Variants in KLF12 observed in about 807,000 individuals in gnomAD.
KLF12 encodes Krueppel-like factor 12.
A neutral mutation model predicts 37.8 loss-of-function variants in KLF12; 9 were observed. The observed-to-expected ratio is 0.24, with a 90% CI of 0.14 to 0.42. The LOEUF is 0.42. KLF12 is among the 10% of genes least tolerant of loss of function. KLF12 has a pLI of 1.00. For missense variants in KLF12, 411 were observed against 516.0 expected (o/e 0.80, Z 1.97); for synonymous variants, 208 against 202.1 (o/e 1.03, Z -0.25).
the KLF12 span, among the ~76,000 whole-genome samples, chr13:74,172,964 C>T: frequency 1.3e-5 from 2 of 152,194 alleles, no homozygotes; most frequent in South Asian, 2.1e-4. Context: ...ACGCCCGTAC[C>T]TCTCTGAAGG....
At chr13:73,799,747 A>G (rs1882186409) in intron 5 of KLF12, among the ~76,000 whole-genome samples, 1 of 152,136 alleles carries the variant, frequency 6.6e-6, no homozygotes, top group African/African-American at 2.4e-5. Context: ...ATATATTAGA[A>G]AAAGTGTCTC....
At chr13:73,813,814 C>T (rs913555072) in intron 4 of KLF12, among the ~76,000 whole-genome samples, 2 of 152,186 alleles carry the variant, frequency 1.3e-5, no homozygotes, top group African/African-American at 4.8e-5. Flanking sequence ...TTTCCAAGTT[C>T]ATTACTACTA....
At chr13:74,259,328 A>G in the KLF12 span, 1 of 152,182 alleles carries the variant, frequency 6.6e-6, no homozygotes, top group Non-Finnish European at 1.5e-5. Flanking sequence ...TTTCTAGACC[A>G]TAGTTTCTCA....
intron 3 of KLF12, among the ~76,000 whole-genome samples, chr13:73,859,071 G>A (rs1441488872): frequency 6.6e-6 from 1 of 152,138 alleles, no homozygotes; most frequent in Non-Finnish European, 1.5e-5. Flanking sequence ...AGAAAACTGG[G>A]TTCACTTCGC....
chr13:73,697,112 C>CACACACACACAA (rs764901627), intron 7 of KLF12, among the ~76,000 whole-genome samples: 1 of 150,854 alleles, frequency 6.6e-6, no homozygotes, highest in African/African-American at 2.4e-5. Context: ...CACACACACA[C>CACACACACACAA]AAATACACAC....
intron 1 of KLF12, among the ~76,000 whole-genome samples, chr13:74,000,077 C>T (rs1892234033): frequency 6.6e-6 from 1 of 151,996 alleles, no homozygotes; most frequent in Admixed American, 6.6e-5. Flanking sequence ...TTTTTTAAAG[C>T]TAAGAATATT....
At chr13:74,104,790 CAAACCAAT>C (rs1876560472) in intron 1 of KLF12, among the ~76,000 whole-genome samples, 1 of 152,070 alleles carries the variant, frequency 6.6e-6, no homozygotes, top group Non-Finnish European at 1.5e-5. Context: ...ATCACAATAG[CAAACCAAT>C]AAAGAGTGGT....
intron 2 of KLF12, among the ~76,000 whole-genome samples, chr13:73,959,919 C>G (rs1890968437): frequency 6.6e-6 from 1 of 152,074 alleles, no homozygotes; most frequent in South Asian, 2.1e-4. Context: ...GGATCAACAG[C>G]CTCAAATACC....
the KLF12 span, among the ~76,000 whole-genome samples, chr13:74,285,219 G>C: frequency 1.3e-5 from 2 of 150,904 alleles, no homozygotes; most frequent in Non-Finnish European, 2.9e-5. Flanking sequence ...TTGGCTTCTT[G>C]TTAATTGCAT....
the KLF12 span, among the ~76,000 whole-genome samples, chr13:74,241,192 A>G: frequency 6.6e-6 from 1 of 152,100 alleles, no homozygotes; most frequent in Non-Finnish European, 1.5e-5. Context: ...GGTCTGTTGG[A>G]GTACCCAGCC....
At chr13:74,010,871 A>C (rs905380969) in intron 1 of KLF12, among the ~76,000 whole-genome samples, 4 of 152,236 alleles carry the variant, frequency 2.6e-5, no homozygotes, top group Non-Finnish European at 5.9e-5. Context: ...AGACTGGTTC[A>C]TGGTTTTTCA....
At chr13:73,821,272 C>T (rs1883512080) in intron 4 of KLF12, among the ~76,000 whole-genome samples, 1 of 152,078 alleles carries the variant, frequency 6.6e-6, no homozygotes, top group Non-Finnish European at 1.5e-5. Context: ...CCATAATTTC[C>T]CCAATTTCAA....
Position 73,879,208 on chromosome 13 carries a change from C to T in KLF12, c.124-32835G>A, listed in dbSNP as rs371127465. Among the ~76,000 whole-genome samples, 3 of 152,258 alleles carry T rather than the reference C, an allele frequency of 2.0e-5. No individual in the cohort carries two copies. In the East Asian group the frequency reaches 5.8e-4, roughly 29 times the overall value. Reference sequence around the variant, plus strand: ...TCAGTGAGTATTACACTGTCTTTCACATGGTTTTATTTCTGCTTATGCTAT... The same window carrying T: ...TCAGTGAGTATTACACTGTCTTTCATATGGTTTTATTTCTGCTTATGCTAT... On this transcript the variant is annotated intron_variant, in intron 3 of 7. Transcript: ENST00000377669.
chr13:73,954,198 T>G (rs1890753891), intron 2 of KLF12, among the ~76,000 whole-genome samples: 1 of 152,004 alleles, frequency 6.6e-6, no homozygotes, highest in Non-Finnish European at 1.5e-5. Context: ...CAGGATGGTC[T>G]CGGTCTCCTG....
At chr13:74,005,139 ACT>A (rs915073543) in intron 1 of KLF12, among the ~76,000 whole-genome samples, 2 of 152,112 alleles carry the variant, frequency 1.3e-5, no homozygotes, top group African/African-American at 4.8e-5. Context: ...ATTTCCCTCA[ACT>A]CTTAGATTCT....
At chr13:74,123,832 T>G (rs1038208489) in intron 1 of KLF12, among the ~76,000 whole-genome samples, 1 of 152,228 alleles carries the variant, frequency 6.6e-6, no homozygotes, top group African/African-American at 2.4e-5. Context: ...GGGAAAAAAC[T>G]ATTTTACTGG....
At chr13:73,845,569 G>A (rs1884968738) in intron 4 of KLF12, among the ~76,000 whole-genome samples, 1 of 152,304 alleles carries the variant, frequency 6.6e-6, no homozygotes, top group East Asian at 1.9e-4. Flanking sequence ...TGCAAACTTA[G>A]ATATCTGAAT....
intron 3 of KLF12, among the ~76,000 whole-genome samples, chr13:73,936,013 T>C (rs1006372036): frequency 1.3e-5 from 2 of 152,204 alleles, no homozygotes; most frequent in East Asian, 1.9e-4. Context: ...ATCATTTTCA[T>C]GTTTTCCTTC....
the KLF12 span, among the ~76,000 whole-genome samples, chr13:74,238,238 A>G: frequency 7.7e-6 from 1 of 130,236 alleles, no homozygotes; most frequent in Non-Finnish European, 1.5e-5. Context: ...ATGCTGGATT[A>G]CATTTATTGA....
Sources: gnomAD v4.1 joint callset for allele counts (sites outside exome capture counted in the v4.1 genomes callset) on GRCh38, gnomAD v4.1.1 for gene constraint, MANE v1.5 for transcripts, NCBI Gene and HGNC (gene_info 2026-07-23, HGNC 2026-07-21) for gene names.